ARHGAP10: variants seen among roughly 807,000 people sequenced by gnomAD.
ARHGAP10 encodes rho GTPase-activating protein 10.
Under a neutral mutation model 108.6 loss-of-function variants are expected in ARHGAP10, and 87 were observed. That is an observed-to-expected ratio of 0.80 (90% confidence interval 0.67 to 0.96). The LOEUF (loss-of-function observed/expected upper bound fraction) is 0.96, where lower values mean the gene tolerates loss of function less well. Ranked by LOEUF, ARHGAP10 falls within the 40% of genes least tolerant of loss-of-function variation. ARHGAP10 has a pLI of 0.00. For synonymous variants in ARHGAP10, 347 were observed against 341.1 expected (o/e 1.02, Z -0.19); for missense variants, 939 against 954.5 (o/e 0.98, Z 0.21).
At chr4:147,791,359 GC>G (rs955143162) in intron 1 of ARHGAP10, among the ~76,000 whole-genome samples, 2 of 151,976 alleles carry the variant, frequency 1.3e-5, no homozygotes, top group Non-Finnish European at 2.9e-5. Context: ...TGATCTGCCT[GC>G]CTCAGCCTCC....
At chr4:147,755,558 T>A (rs758346695) in intron 1 of ARHGAP10, among the ~76,000 whole-genome samples, 4 of 152,158 alleles carry the variant, frequency 2.6e-5, no homozygotes, top group African/African-American at 9.6e-5. Context: ...ACCAGTTCCA[T>A]GTTATCAAGA....
At chr4:147,774,282 G>A (rs1730196495) in intron 1 of ARHGAP10, among the ~76,000 whole-genome samples, 1 of 152,076 alleles carries the variant, frequency 6.6e-6, no homozygotes, top group African/African-American at 2.4e-5. Flanking sequence ...ATTTGTCTTG[G>A]GGTCTCCAGC....
intron 21 of ARHGAP10, 28 bp from the exon 22 acceptor site, chr4:148,064,388 G>A: frequency 6.2e-7 from 1 of 1,603,540 alleles, no homozygotes; most frequent in Non-Finnish European, 8.5e-7. Context: ...ATTTTCATTG[G>A]TGTCTTTTGT....
At chr4:147,897,210 C>T (rs1462841821) in intron 10 of ARHGAP10, among the ~76,000 whole-genome samples, 1 of 151,290 alleles carries the variant, frequency 6.6e-6, no homozygotes, top group African/African-American at 2.4e-5. Context: ...AAAAAATATG[C>T]TAGCCATTGC....
intron 1 of ARHGAP10, among the ~76,000 whole-genome samples, chr4:147,808,714 A>G (rs1189469341): frequency 6.6e-6 from 1 of 152,162 alleles, no homozygotes; most frequent in Non-Finnish European, 1.5e-5. Context: ...TTTCTTGCCA[A>G]AAATGACAAC....
At chr4:147,969,852 ATAGT>A (rs1300690867) in intron 18 of ARHGAP10, among the ~76,000 whole-genome samples, 3 of 152,178 alleles carry the variant, frequency 2.0e-5, no homozygotes, top group Admixed American at 2.0e-4. Context: ...CTGTGGCTAG[ATAGT>A]TCTATGAATG....
At chr4:147,804,006 T>C (rs1731681126) in intron 1 of ARHGAP10, among the ~76,000 whole-genome samples, 1 of 151,932 alleles carries the variant, frequency 6.6e-6, no homozygotes, top group Non-Finnish European at 1.5e-5. Flanking sequence ...TTTTTTTTTT[T>C]TTTTCTTTCA....
chr4:148,031,488 C>T (rs896914577), intron 19 of ARHGAP10, among the ~76,000 whole-genome samples: 1 of 152,122 alleles, frequency 6.6e-6, no homozygotes, highest in Non-Finnish European at 1.5e-5. Flanking sequence ...TAGGATGGAA[C>T]CCAGGCAGTC....
chr4:148,072,298 A>G lies in ARHGAP10; in HGVS notation c.*217A>G, dbSNP rs1730219187. 1 of 445,680 alleles carries G rather than the reference A, an allele frequency of 2.2e-6. No individual in the cohort carries two copies. Among genetic ancestry groups the G allele is most frequent in the Non-Finnish European group, 3.9e-6 (1 of 254,896 alleles). 27.6% of individuals were successfully genotyped at this position (445,680 alleles called of 1,614,324 possible). On this transcript the variant is annotated 3_prime_UTR_variant, in exon 23 of 23. Transcript: ENST00000336498. Reference sequence around the variant, plus strand: ...TGTGGATCAGGAGGGGAATGTCAGGATTCGCAAAATGGACTTTTCATTTGT... The same window carrying G: ...TGTGGATCAGGAGGGGAATGTCAGGGTTCGCAAAATGGACTTTTCATTTGT...
Position 147,775,753 on chromosome 4 carries a change from C to T in ARHGAP10, c.154+43298C>T, listed in dbSNP as rs187542983. Among the ~76,000 whole-genome samples, 495 of 152,180 alleles carry T rather than the reference C, an allele frequency of 3.3e-3. 5 individuals carry two copies. Among genetic ancestry groups the T allele is most frequent in the African/African-American group, 0.012 (479 of 41,506 alleles). On this transcript the variant is annotated intron_variant, in intron 1 of 22. Transcript: ENST00000336498. ...TCCCTAGGCATGGGGGCTCTAAATC[C>T]TTTTGCACAGAATTATGGTATAAAA...
At chr4:147,915,395 T>C (rs1199330402) in intron 13 of ARHGAP10, among the ~76,000 whole-genome samples, 1 of 152,268 alleles carries the variant, frequency 6.6e-6, no homozygotes, top group Non-Finnish European at 1.5e-5. Context: ...TTTCTTTTTT[T>C]CTGAGTTTCT....
At chr4:148,024,149 A>G (rs1340359851) in intron 19 of ARHGAP10, among the ~76,000 whole-genome samples, 1 of 152,190 alleles carries the variant, frequency 6.6e-6, no homozygotes, top group Non-Finnish European at 1.5e-5. Flanking sequence ...TCATATGGTT[A>G]TTGGTGTGGA....
chr4:147,806,059 G>A (rs1259662086), intron 1 of ARHGAP10, among the ~76,000 whole-genome samples: 2 of 151,868 alleles, frequency 1.3e-5, no homozygotes, highest in African/African-American at 4.8e-5. Flanking sequence ...CATACTTTAA[G>A]CCTTTTGTTT....
chr4:147,991,161 T>G (rs73853997), intron 18 of ARHGAP10, among the ~76,000 whole-genome samples: 6 of 144,172 alleles, frequency 4.2e-5, no homozygotes, highest in African/African-American at 1.0e-4. Context: ...AAAAAAAAAA[T>G]AAATAAAAGA....
intron 18 of ARHGAP10, chr4:148,023,031 A>G (rs757857953): frequency 4.6e-6 from 2 of 438,294 alleles, no homozygotes; most frequent in South Asian, 4.5e-5. Flanking sequence ...TATTTGATAT[A>G]TAACAATCTG....
intron 3 of ARHGAP10, among the ~76,000 whole-genome samples, chr4:147,842,767 G>T (rs769637741): frequency 6.6e-6 from 1 of 152,156 alleles, no homozygotes; most frequent in Non-Finnish European, 1.5e-5. Context: ...CACTTTGTCT[G>T]CCACGTCATA....
Position 148,071,979 on chromosome 4 carries a change from C to T in ARHGAP10, c.2273-14C>T, listed in dbSNP as rs770267387. Reference sequence around the variant, plus strand: ...GGGGCATTTTGTAAAAGTGATTTTTCTCTTCCTTTTCAGTACAAACCTCCA... The same window carrying T: ...GGGGCATTTTGTAAAAGTGATTTTTTTCTTCCTTTTCAGTACAAACCTCCA... On this transcript the variant is annotated splice_polypyrimidine_tract_variant and intron_variant, in intron 22 of 22. Transcript: ENST00000336498. 1.2e-6 allele frequency: 2 copies of T among 1,608,906 alleles called. No individual in the cohort carries two copies. Among genetic ancestry groups the T allele is most frequent in the Admixed American group, 1.7e-5 (1 of 58,922 alleles).
At chr4:147,812,730 G>A (rs777536597) in intron 1 of ARHGAP10, among the ~76,000 whole-genome samples, 8 of 152,270 alleles carry the variant, frequency 5.3e-5, no homozygotes, top group Middle Eastern at 3.4e-3. Flanking sequence ...TCCCCACACC[G>A]AGGCAGCATA....
At chr4:147,861,415 C>A in intron 5 of ARHGAP10, 1 of 152,710 alleles carries the variant, frequency 6.5e-6, no homozygotes, top group South Asian at 2.1e-4. Flanking sequence ...CCCGAAGGGC[C>A]GCAGCTCTTC....
Sources: gnomAD v4.1 joint callset for allele counts (sites outside exome capture counted in the v4.1 genomes callset) on GRCh38, gnomAD v4.1.1 for gene constraint, MANE v1.5 for transcripts, NCBI Gene and HGNC (gene_info 2026-07-23, HGNC 2026-07-21) for gene names.